Variants in IGFN1 observed in about 807,000 individuals in gnomAD.
IGFN1 encodes immunoglobulin like and fibronectin type III domain containing 1.
A neutral mutation model predicts 289.5 loss-of-function variants in IGFN1; 253 were observed. That is an observed-to-expected ratio of 0.87 (90% confidence interval 0.79 to 0.97). IGFN1 has a LOEUF of 0.97. Ranked by LOEUF, IGFN1 falls within the 50% of genes least tolerant of loss-of-function variation. IGFN1 has a pLI of 0.00. For synonymous variants in IGFN1, 1,706 were observed against 1,788.5 expected, an observed-to-expected ratio of 0.95 and a Z score of 1.16; for missense variants, 4,470 against 4,686.1, an observed-to-expected ratio of 0.95 and a Z score of 1.35.
chr1:201,228,548 G>A lies in IGFN1; in HGVS notation c.*149G>A, dbSNP rs3738274. ...AGATGCCTGGCGAGGTTTTGGCCAG[G>A]AGGACGTGAAGTCCTTGGGGAAGAA... On this transcript the variant is annotated 3_prime_UTR_variant, in exon 24 of 24. Transcript: ENST00000335211. 0.026 allele frequency: 21,754 copies of A among 845,224 alleles called. 2,578 individuals are homozygous for A. The African/African-American group carries it at 0.28, about 11-fold the overall frequency. 52.4% of individuals were successfully genotyped at this position (845,224 alleles called of 1,614,324 possible).
chr1:201,203,717 C>G, intron 9 of IGFN1, 21 bp from the exon 10 acceptor site: 10 of 1,550,476 alleles, frequency 6.4e-6, no homozygotes, highest in Non-Finnish European at 7.9e-6. Flanking sequence ...GGCCCGCCTC[C>G]TCTTCCTTTT....
At chr1:201,195,374 A>C in intron 3 of IGFN1, among the ~76,000 whole-genome samples, 1 of 151,828 alleles carries the variant, frequency 6.6e-6, no homozygotes, top group Non-Finnish European at 1.5e-5. Context: ...CTGGTCTCGA[A>C]CTCCTGATCT....
intron 7 of IGFN1, 40 bp from the exon 8 acceptor site, chr1:201,200,197 G>A (rs1481665886): frequency 2.6e-6 from 4 of 1,519,984 alleles, no homozygotes; most frequent in Admixed American, 4.1e-5. Context: ...AGAGGAGCAG[G>A]GATTCCTCTG....
rs1653133298 is a variant in IGFN1 at position 201,215,110 on chromosome 1, T to C, written c.8951T>C (p.Phe2984Ser). Reference protein sequence around the residue: ...VQGTQAGRYTFVAGDQQSEAT... With the variant: ...VQGTQAGRYTSVAGDQQSEAT... ...GGGACCCAAGCTGGGAGGTACACCT[T>C]TGTAGCTGGTGACCAGCAGAGCGAG... Residue 2984 changes from phenylalanine (F) to serine (S), a missense_variant, in exon 14 of 24, where the codon TTT becomes TCT. Around this residue, in one of 8 missense-constraint regions of IGFN1, gnomAD observed 2,218 missense variants for 2,114.1 expected, o/e 1.05. Coordinates refer to ENST00000335211, the MANE Select transcript of IGFN1 (RefSeq NM_001164586.2). The C allele has an allele frequency of 1.2e-6, 2 of 1,613,928 alleles. No homozygotes were observed. The highest frequency in any genetic ancestry group is 1.1e-5 in the South Asian group (1 of 91,060).
chr1:201,199,219 T>C (rs1291882028), intron 5 of IGFN1, 115 bp from the exon 6 acceptor site: 3 of 873,904 alleles, frequency 3.4e-6, no homozygotes, highest in East Asian at 5.3e-5. Context: ...TAGAGGACAG[T>C]GGGGAGAGCA....
rs1193484086 is a variant in IGFN1 at position 201,207,172 on chromosome 1, G to A, written c.2279G>A (p.Cys760Tyr). ...EDSLQEADGI[C>Y]RGESVVTGSA... ...TCACTGCAGGAGGCAGATGGTATATGCCGGGGGGAGTCTGTAGTTACAGGA... is the reference window on the plus strand; with the variant it reads ...TCACTGCAGGAGGCAGATGGTATATACCGGGGGGAGTCTGTAGTTACAGGA... Residue 760 changes from cysteine (C) to tyrosine (Y), a missense_variant, in exon 12 of 24, where the codon TGC becomes TAC. This residue lies in a region of IGFN1 where 2,011 missense variants were observed against 1,953.4 expected (regional missense o/e 1.03). Transcript: ENST00000335211. 3.9e-6 allele frequency: 6 copies of A among 1,536,856 alleles called. No individual in the cohort carries two copies. The highest frequency in any genetic ancestry group is 4.4e-6 in the Non-Finnish European group (5 of 1,146,878).
chr1:201,205,360 T>C lies in IGFN1; in HGVS notation c.1189+6T>C. On this transcript the variant is annotated splice_donor_region_variant and intron_variant, in intron 11 of 23. Transcript: ENST00000335211. ...CGCCTGGCTGGTGGTTGAAGGTGAG[T>C]GCTTCAAAACTCTGTCTTTCTCTGC... The C allele has an allele frequency of 6.6e-7, 1 of 1,526,090 alleles. No homozygotes were observed. Among genetic ancestry groups the C allele is most frequent in the Non-Finnish European group, 8.8e-7 (1 of 1,131,376 alleles). The allele number at this position is 1,526,090 out of a possible 1,614,324, so 94.5% of individuals were successfully genotyped here. A position where few individuals can be genotyped will look rare whatever the true frequency, so the allele number is the denominator to read the frequency against.
At chr1:201,226,814 A>G (rs1654124254) in intron 22 of IGFN1, 68 bp from the exon 23 acceptor site, 1 of 1,246,176 alleles carries the variant, frequency 8.0e-7, no homozygotes, top group Non-Finnish European at 1.1e-6. Flanking sequence ...CTCTTTACCC[A>G]GACCCGGGTC....
intron 12 of IGFN1, 94 bp downstream of exon 12, chr1:201,213,715 T>C: frequency 1.9e-6 from 2 of 1,067,460 alleles, no homozygotes; most frequent in Non-Finnish European, 2.7e-6. Flanking sequence ...CAGTTCTGCC[T>C]CCAGCCCCAG....
rs1237123233 is a variant in IGFN1 at position 201,208,101 on chromosome 1, G to A, written c.3208G>A (p.Gly1070Arg). 4.6e-6 allele frequency: 7 copies of A among 1,536,926 alleles called. No homozygotes were observed. Among genetic ancestry groups the A allele is most frequent in the Non-Finnish European group, 6.1e-6 (7 of 1,146,834 alleles). ...CCAGGCAGGCATGGACCCTAGGGGA[G>A]GGCACCATTCAGATGGTGGCCTAGG... ...ACQAGMDPRG[G>R]HHSDGGLGSP... The change falls in exon 12 of 24, where the codon GGG becomes AGG. Residue 1070 changes from glycine to arginine, a missense_variant. Physicochemically the swap from Gly to Arg is moderately radical, Grantham distance 125. Around this residue, in one of 8 missense-constraint regions of IGFN1, gnomAD observed 2,011 missense variants for 1,953.4 expected, o/e 1.03. Coordinates refer to ENST00000335211, the MANE Select transcript of IGFN1 (RefSeq NM_001164586.2).
chr1:201,214,414 A>C, intron 13 of IGFN1, 113 bp downstream of exon 13: 1 of 1,148,924 alleles, frequency 8.7e-7, no homozygotes, highest in Non-Finnish European at 1.2e-6. Context: ...TCATTTTGCT[A>C]ATGTATCCAC....
Position 201,200,250 on chromosome 1 carries a change from C to T in IGFN1, c.472C>T (p.Pro158Ser), listed in dbSNP as rs1350863563. 1 of 1,551,672 alleles carries T rather than the reference C, an allele frequency of 6.4e-7. No homozygotes were observed. Among genetic ancestry groups the T allele is most frequent in the Admixed American group, 2.0e-5 (1 of 51,002 alleles). The change falls in exon 8 of 24, where the codon CCC becomes TCC. Residue 158 changes from proline to serine, a missense_variant. By Grantham distance (74) the Pro-to-Ser change is moderately conservative. Transcript: ENST00000335211. ...CTTGCTCCCCAGGGCCCCACCAGCC[C>T]CCAAGAAAAAGATGGACCTTGAGCA... ...KLLKKRAPPA[P>S]KKKMDLEQIW...
chr1:201,194,597 C>A (rs1230222694), intron 3 of IGFN1, among the ~76,000 whole-genome samples: 1 of 152,216 alleles, frequency 6.6e-6, no homozygotes, highest in Non-Finnish European at 1.5e-5. Flanking sequence ...CCTGTCTCCT[C>A]ACCTCAAAGC....
At chr1:201,227,283 C>T (rs1571503913) in intron 23 of IGFN1, 75 bp downstream of exon 23, 7 of 1,223,120 alleles carry the variant, frequency 5.7e-6, no homozygotes, top group East Asian at 2.6e-5. Flanking sequence ...AGGGAGGCTC[C>T]GGGGGGTGCC....
In IGFN1 at chr1:201,216,878, G is replaced by A. The variant is rs1653342789; in HGVS notation, c.9595+125G>A. ...TGCTCGGGGCTTCGGAGGCCCTTCTGTAGCACTCTGGAGACTCCTTCCCTC... is the reference window on the plus strand; with the variant it reads ...TGCTCGGGGCTTCGGAGGCCCTTCTATAGCACTCTGGAGACTCCTTCCCTC... On this transcript the variant is annotated intron_variant, in intron 16 of 23. Coordinates refer to ENST00000335211, the MANE Select transcript of IGFN1 (RefSeq NM_001164586.2). The A allele has an allele frequency of 1.1e-5, 8 of 749,564 alleles. No individual in the cohort carries two copies. The South Asian group carries it at 1.1e-4, about 10-fold the overall frequency. The allele number at this position is 749,564 out of a possible 1,614,324, so 46.4% of individuals were successfully genotyped here.
rs1274329036 is a variant in IGFN1 at position 201,212,320 on chromosome 1, C to A, written c.7427C>A (p.Pro2476His). The A allele has an allele frequency of 6.5e-7, 1 of 1,536,660 alleles. No homozygotes were observed. Among genetic ancestry groups the A allele is most frequent in the Admixed American group, 2.0e-5 (1 of 50,982 alleles). Residue 2476 changes from proline (P) to histidine (H), a missense_variant, in exon 12 of 24, where the codon CCT becomes CAT. Pro to His is a moderately conservative substitution (Grantham distance 77). Around this residue, in one of 8 missense-constraint regions of IGFN1, gnomAD observed 2,218 missense variants for 2,114.1 expected, o/e 1.05. Coordinates refer to ENST00000335211, the MANE Select transcript of IGFN1 (RefSeq NM_001164586.2). ...GGGGGCTATGGAACTTCAGGGATCC[C>A]TGAGGCCTCGGAGGCTGCTGGTGCC... ...DLGGYGTSGI[P>H]EASEAAGAKG...
Position 201,211,559 on chromosome 1 carries a change from G to A in IGFN1, c.6666G>A (p.Lys2222=). ...AGYRKDLGAP[K]GMGSGSKAGF... ...ATAGGAAGGATTTGGGGGCTCCTAA[G>A]GGAATGGGTTCAGGGAGTAAGGCAG... is the stretch of plus-strand genomic sequence containing the variant. The change falls in exon 12 of 24, where the codon AAG becomes AAA. Residue 2222 remains lysine, a synonymous_variant. Coordinates refer to ENST00000335211, the MANE Select transcript of IGFN1 (RefSeq NM_001164586.2). The A allele has an allele frequency of 1.3e-6, 2 of 1,524,264 alleles. No homozygotes were observed. The highest frequency in any genetic ancestry group is 1.8e-6 in the Non-Finnish European group (2 of 1,139,880). The allele number at this position is 1,524,264 out of a possible 1,614,324, so 94.4% of individuals were successfully genotyped here.
In IGFN1 at chr1:201,224,757, G is replaced by T; in HGVS notation, c.10369G>T (p.Gly3457Cys). Reference sequence around the variant, plus strand: ...AAGAAGTGTGACTGTCACTAAGGATGGCCTCACCCAGCTTCTGATCCCTGT... The same window carrying T: ...AAGAAGTGTGACTGTCACTAAGGATTGCCTCACCCAGCTTCTGATCCCTGT... Reference protein sequence around the residue: ...PKRSVTVTKDGLTQLLIPVAG... With the variant: ...PKRSVTVTKDCLTQLLIPVAG... The change falls in exon 21 of 24, where the codon GGC becomes TGC. Residue 3457 changes from glycine (G) to cysteine (C), a missense_variant. Gly to Cys is a radical substitution (Grantham distance 159). This residue lies in a region of IGFN1 where 2,218 missense variants were observed against 2,114.1 expected (regional missense o/e 1.05). Transcript: ENST00000335211. 6.2e-7 allele frequency: 1 copy of T among 1,614,196 alleles called. No homozygotes were observed. Among genetic ancestry groups the T allele is most frequent in the Non-Finnish European group, 8.5e-7 (1 of 1,180,028 alleles).
chr1:201,207,527 G>A lies in IGFN1; in HGVS notation c.2634G>A (p.Glu878=), dbSNP rs931563425. The change falls in exon 12 of 24, where the codon GAG becomes GAA. Residue 878 remains glutamate, a synonymous_variant. Transcript: ENST00000335211. ...GTATCTGGGTGGCTGGACTGACGGA[G>A]TCTGGTCAGGGGGTGGATGCCAGAA... ...MGGIWVAGLT[E]SGQGVDARSH... is the part of the protein sequence containing the mutation. The A allele has an allele frequency of 3.3e-6, 5 of 1,536,664 alleles. No homozygotes were observed. The highest frequency in any genetic ancestry group is 1.2e-5 in the South Asian group (1 of 84,016).
Sources: gnomAD v4.1 joint callset for allele counts (sites outside exome capture counted in the v4.1 genomes callset) on GRCh38, gnomAD v4.1.1 for gene constraint, gnomAD v4.1.1 regional missense constraint, MANE v1.5 for transcripts, NCBI Gene and HGNC (gene_info 2026-07-23, HGNC 2026-07-21) for gene names.